Variants in COL6A3 observed in about 807,000 individuals in gnomAD.
The protein encoded by COL6A3 is collagen type VI alpha 3 chain, also known as collagen alpha-3(VI) chain.
Under a neutral mutation model 274.1 loss-of-function variants are expected in COL6A3, and 137 were observed. That is an observed-to-expected ratio of 0.50 (90% CI 0.44 to 0.58). The LOEUF (loss-of-function observed/expected upper bound fraction) is 0.58, where lower values mean the gene tolerates loss of function less well. COL6A3 is among the 20% of genes least tolerant of loss of function. COL6A3 has a pLI of 0.00. For synonymous variants in COL6A3, 1,650 were observed against 1,650.6 expected (o/e 1.00, Z 0.01); for missense variants, 3,950 against 4,124.9 (o/e 0.96, Z 1.16).
intron 5 of COL6A3, 30 bp downstream of exon 5, chr2:237,380,885 A>T: frequency 6.2e-7 from 1 of 1,604,052 alleles, no homozygotes; most frequent in Non-Finnish European, 8.5e-7. Flanking sequence ...AGACCACCCC[A>T]TTGTGTGTCT....
chr2:237,387,991 G>C lies in COL6A3; in HGVS notation c.903C>G (p.Thr301=). 6.2e-7 allele frequency: 1 copy of C among 1,614,210 alleles called. No individual in the cohort carries two copies. The change falls in exon 4 of 44, where the codon ACC becomes ACG. Residue 301 remains threonine, a synonymous_variant. Coordinates refer to ENST00000295550, the MANE Select transcript of COL6A3 (RefSeq NM_004369.4). ...RTMFSLDTYS[T]KAQVLGAVKA... Reference sequence around the variant, plus strand: ...TCACTGCACCCAGAACCTGGGCCTTGGTGGAGTAGGTGTCCAAGGAGAACA... The same window carrying C: ...TCACTGCACCCAGAACCTGGGCCTTCGTGGAGTAGGTGTCCAAGGAGAACA...
At chr2:237,357,484 G>T in intron 22 of COL6A3, 93 bp from the exon 23 acceptor site, 1 of 1,180,970 alleles carries the variant, frequency 8.5e-7, no homozygotes, top group Non-Finnish European at 1.3e-6. Flanking sequence ...GAAAGGGGTC[G>T]ATTCACAGAG....
chr2:237,408,177 T>C (rs1189244617), intron 1 of COL6A3, among the ~76,000 whole-genome samples: 7 of 151,954 alleles, frequency 4.6e-5, no homozygotes, highest in African/African-American at 2.4e-5. Context: ...AAAAATCAAG[T>C]TGGAACATCT....
Position 237,379,137 on chromosome 2 carries a change from C to T in COL6A3, c.1996G>A (p.Val666Ile), listed in dbSNP as rs111584250. 4.0e-5 allele frequency: 64 copies of T among 1,614,098 alleles called. No homozygotes were observed. The highest frequency in any genetic ancestry group is 3.9e-5 in the Non-Finnish European group (46 of 1,180,052). The stretch of plus-strand genomic sequence containing the variant: ...TCATTTCCAATATCAAGGCTGTTAA[C>T]TAGGTTCATTACAAAGTCGCGCACA... ...PYVRDFVMNL[V>I]NSLDIGNDNI... is the part of the protein sequence containing the mutation. Residue 666 changes from valine (V) to isoleucine (I), a missense_variant, in exon 6 of 44, where the codon GTT (valine) becomes ATT (isoleucine). Physicochemically the swap from Val to Ile is conservative, Grantham distance 29. Transcript: ENST00000295550.
At chr2:237,383,658 A>G (rs911711855) in intron 4 of COL6A3, among the ~76,000 whole-genome samples, 1 of 152,202 alleles carries the variant, frequency 6.6e-6, no homozygotes, top group African/African-American at 2.4e-5. Context: ...AAATACTCAT[A>G]TAACAATGAC....
chr2:237,383,435 C>A (rs1466375362), intron 4 of COL6A3, among the ~76,000 whole-genome samples: 1 of 152,134 alleles, frequency 6.6e-6, no homozygotes, highest in Admixed American at 6.5e-5. Context: ...TCTCTCTGGG[C>A]TACCCCTTCA....
chr2:237,341,334 A>G (rs946278286), intron 37 of COL6A3, among the ~76,000 whole-genome samples, 184 bp from the exon 38 acceptor site: 1 of 152,134 alleles, frequency 6.6e-6, no homozygotes, highest in African/African-American at 2.4e-5. Flanking sequence ...TCACGAGGTC[A>G]AGAGATCGAG....
chr2:237,337,427 A>G (rs1470126368), intron 39 of COL6A3, among the ~76,000 whole-genome samples: 2 of 152,192 alleles, frequency 1.3e-5, no homozygotes, highest in African/African-American at 2.4e-5. Context: ...AATGATATTC[A>G]TTCTTGCTAT....
In COL6A3 at chr2:237,344,202, A is replaced by C. The variant is rs2077050360; in HGVS notation, c.7668+148T>G. 1 of 1,234,844 alleles carries C rather than the reference A, an allele frequency of 8.1e-7. No homozygotes were observed. The highest frequency in any genetic ancestry group is 1.5e-5 in the African/African-American group (1 of 67,702). 76.5% of individuals were successfully genotyped at this position (1,234,844 alleles called of 1,614,324 possible). ...GCCACGAGGTTGTCCTGGAGACCTC[A>C]CAAGAGAAGTTCTCAGGCAGATGGC... On this transcript the variant is annotated intron_variant, in intron 36 of 43. Coordinates refer to ENST00000295550, the MANE Select transcript of COL6A3 (RefSeq NM_004369.4). The surrounding 1 kb of genome is among the most constrained non-coding windows in gnomAD (Gnocchi z 4.8).
At position 237,340,998 on chromosome 2, in the gene COL6A3, T is replaced by A; in HGVS notation, c.7918A>T (p.Lys2640Ter). 2 of 1,614,184 alleles carry A rather than the reference T, an allele frequency of 1.2e-6. No homozygotes were observed. Among genetic ancestry groups the A allele is most frequent in the Non-Finnish European group, 1.7e-6 (2 of 1,180,034 alleles). The part of the protein sequence containing the change: ...TTLFQFNEMK[K>*]YIAYLVRQLD... ...TGTCTGACCAGGTACGCTATGTACT[T>A]CTTCATCTCATTGAACTGGAACAGG... The change falls in exon 38 of 44, where the codon AAG becomes TAG. Residue 2640 changes from lysine to a stop codon, truncating the protein, a stop_gained. Transcript: ENST00000295550. LOFTEE classifies it high-confidence loss of function.
chr2:237,330,348 C>T (rs190004720), intron 42 of COL6A3, among the ~76,000 whole-genome samples: 10 of 152,232 alleles, frequency 6.6e-5, no homozygotes, highest in South Asian at 2.1e-4. Flanking sequence ...CAGGAGGCCA[C>T]GGTAACGAAT....
chr2:237,373,711 C>G (rs182374524), intron 8 of COL6A3, among the ~76,000 whole-genome samples: 12 of 151,214 alleles, frequency 7.9e-5, no homozygotes, highest in Admixed American at 5.2e-4. Context: ...GAACCCCCCC[C>G]ACCCGAGTGA....
rs1391569208 is a variant in COL6A3, at chr2:237,374,744, A to G, written c.3347T>C (p.Leu1116Pro). Residue 1116 changes from leucine to proline, a missense_variant, in exon 8 of 44, where the codon CTG (leucine) becomes CCG (proline). Leu to Pro is a moderately conservative substitution (Grantham distance 98). Transcript: ENST00000295550. This position sits in a 1 kb window ranked among gnomAD's most constrained non-coding sequence, Gnocchi z 4.8. ...CGCAGAGCTGACCAGGATGTTCCTC[A>G]GGACAAACTCCAGGGCGGCCCCGGT... Reference protein sequence around the residue: ...PNTGAALEFVLRNILVSSAGS... With the variant: ...PNTGAALEFVPRNILVSSAGS... The G allele has an allele frequency of 5.6e-6, 9 of 1,613,554 alleles. No homozygotes were observed. The Admixed American group carries it at 1.5e-4, about 27-fold the overall frequency.
rs779359869 is a variant in COL6A3, at chr2:237,350,188, G to T, written c.6838C>A (p.Pro2280Thr). Residue 2280 changes from proline to threonine, a missense_variant, in exon 28 of 44, where the codon CCA (proline) becomes ACA (threonine). Pro to Thr is a conservative substitution (Grantham distance 38, BLOSUM62 -1). This residue lies in a region of COL6A3 where 1,284 missense variants were observed against 1,349.7 expected (regional missense o/e 0.95). Transcript: ENST00000295550. ...GRKGEPGEPG[P>T]KGGIGNRGPR... ...CCCCGGTTCCCGATTCCTCCTTTTG[G>T]TCCTGGCTCTCCGGGCTCACCCTAG... is the stretch of plus-strand genomic sequence containing the variant. 13 of 1,613,944 alleles carry T rather than the reference G, an allele frequency of 8.1e-6. No homozygotes were observed. Among genetic ancestry groups the T allele is most frequent in the Middle Eastern group, 1.6e-4 (1 of 6,084 alleles).
rs111859552 is a variant in COL6A3 at position 237,336,528 on chromosome 2, C to T, written c.8572G>A (p.Val2858Ile). 1,252 of 1,614,136 alleles carry T rather than the reference C, an allele frequency of 7.8e-4. 15 individuals are homozygous for T. In the African/African-American group the frequency reaches 0.012, roughly 16 times the overall value. ...GGACTTGAAGTAACGTTATTCGGAA[C>T]ATTTCTGTTAAGACAAATTAAATAT... is the stretch of plus-strand genomic sequence containing the variant. ...LVKFGHKQVNVPNNVTSSPTS... is the reference protein window; with the variant it reads ...LVKFGHKQVNIPNNVTSSPTS... The change falls in exon 40 of 44, where the codon GTT becomes ATT. Residue 2858 changes from valine to isoleucine, a missense_variant. Around this residue, in one of 5 missense-constraint regions of COL6A3, gnomAD observed 1,284 missense variants for 1,349.7 expected, o/e 0.95. Coordinates refer to ENST00000295550, the MANE Select transcript of COL6A3 (RefSeq NM_004369.4).
At position 237,361,984 on chromosome 2, in the gene COL6A3, A is replaced by G. The variant is rs951420768; in HGVS notation, c.6064-153T>C. Among the ~76,000 whole-genome samples, 20 of 152,176 alleles carry G rather than the reference A, an allele frequency of 1.3e-4. No individual in the cohort carries two copies. The highest frequency in any genetic ancestry group is 2.6e-4 in the Non-Finnish European group (18 of 68,026). ...TGACATTTGCTGGACGACTGACGATATGATAGAAATTGCCAGCGAAGTCAG... is the reference window on the plus strand; with the variant it reads ...TGACATTTGCTGGACGACTGACGATGTGATAGAAATTGCCAGCGAAGTCAG... On this transcript the variant is annotated intron_variant, in intron 14 of 43. Coordinates refer to ENST00000295550, the MANE Select transcript of COL6A3 (RefSeq NM_004369.4). This position sits in a 1 kb window ranked among gnomAD's most constrained non-coding sequence, Gnocchi z 5.1.
rs138755127 is a variant in COL6A3, at chr2:237,363,087, G to C, written c.6063+166C>G. On this transcript the variant is annotated intron_variant, in intron 14 of 43. Transcript: ENST00000295550. ...TATCTCCATTTCCAGATTCACATGTGTTATGGCAACAAGGCAGTTCCCAAG... is the reference window on the plus strand; with the variant it reads ...TATCTCCATTTCCAGATTCACATGTCTTATGGCAACAAGGCAGTTCCCAAG... Among the ~76,000 whole-genome samples, 475 of 152,122 alleles carry C rather than the reference G, an allele frequency of 3.1e-3. 1 individual carries two copies. Among genetic ancestry groups the C allele is most frequent in the Non-Finnish European group, 5.1e-3 (344 of 68,008 alleles).
Position 237,336,415 on chromosome 2 carries a change from C to A in COL6A3, c.8685G>T (p.Lys2895Asn). 1 of 1,613,538 alleles carries A rather than the reference C, an allele frequency of 6.2e-7. No individual in the cohort carries two copies. Among genetic ancestry groups the A allele is most frequent in the East Asian group, 2.2e-5 (1 of 44,886 alleles). Residue 2895 changes from lysine to asparagine, a missense_variant, in exon 40 of 44, where the codon AAG becomes AAT. Physicochemically the swap from Lys to Asn is moderately conservative, Grantham distance 94. This residue lies in a region of COL6A3 where 1,284 missense variants were observed against 1,349.7 expected (regional missense o/e 0.95). Transcript: ENST00000295550. ...TTTKPVTTTT[K>N]PVTIINQPSV... ...ATGGCTGATTTATAATAGTCACAGGCTTTGTTGTGGTGGTTACAGGCTTTG... is the reference window on the plus strand; with the variant it reads ...ATGGCTGATTTATAATAGTCACAGGATTTGTTGTGGTGGTTACAGGCTTTG...
At chr2:237,377,782 C>G (rs1172350044) in intron 6 of COL6A3, among the ~76,000 whole-genome samples, 1 of 152,152 alleles carries the variant, frequency 6.6e-6, no homozygotes, top group Admixed American at 6.5e-5. Context: ...GGGTCAACCA[C>G]TCAAAGATAA....
Sources: gnomAD v4.1 joint callset for allele counts (sites outside exome capture counted in the v4.1 genomes callset) on GRCh38, gnomAD v4.1.1 for gene constraint, gnomAD v4.1.1 regional missense constraint, Gnocchi (gnomAD v3.1) non-coding constraint, MANE v1.5 for transcripts, NCBI Gene and HGNC (gene_info 2026-07-23, HGNC 2026-07-21) for gene names.